Variants in ENTPD6 observed in about 807,000 individuals in gnomAD.
ENTPD6 encodes the protein ectonucleoside triphosphate diphosphohydrolase 6.
ENTPD6 carries 46 observed loss-of-function variants against 61.5 expected under a neutral mutation model. The ratio of observed to expected loss-of-function variants is 0.75; its 90% CI spans 0.59 to 0.96. The LOEUF is 0.96. ENTPD6 is among the 40% of genes least tolerant of loss of function. The pLI, the probability that ENTPD6 is intolerant of heterozygous loss-of-function variation, is 0.00. For synonymous variants in ENTPD6, 252 were observed against 255.5 expected (o/e 0.99, Z 0.13); for missense variants, 612 against 629.0 (o/e 0.97, Z 0.29).
Position 25,206,546 on chromosome 20 carries a change from G to T in ENTPD6, c.10G>T (p.Gly4Cys). 1 of 1,613,718 alleles carries T rather than the reference G, an allele frequency of 6.2e-7. No homozygotes were observed. The highest frequency in any genetic ancestry group is 8.5e-7 in the Non-Finnish European group (1 of 1,179,624). The stretch of plus-strand genomic sequence containing the variant: ...GGAATGGGCTATGTGAATGAAAAAA[G>T]GTATCCGTTATGAAACTTCCAGAAA... MKK[G>C]IRYETSRKTS... is the part of the protein sequence containing the mutation. Residue 4 changes from glycine (G) to cysteine (C), a missense_variant, in exon 2 of 15, where the codon GGT becomes TGT. Transcript: ENST00000376652.
chr20:25,222,754 C>G, intron 11 of ENTPD6, 84 bp from the exon 12 acceptor site: 1 of 1,549,004 alleles, frequency 6.5e-7, no homozygotes, highest in South Asian at 1.2e-5. Flanking sequence ...GTCAGAGTCT[C>G]AAGTCCCCTG....
chr20:25,198,698 G>A (rs1467949144), intron 1 of ENTPD6, among the ~76,000 whole-genome samples: 2 of 152,122 alleles, frequency 1.3e-5, no homozygotes, highest in Non-Finnish European at 2.9e-5. Context: ...TTGTGGTATG[G>A]GAGGTGCTAC....
At position 25,213,385 on chromosome 20, in the gene ENTPD6, G is replaced by A. The variant is rs750259054; in HGVS notation, c.576G>A (p.Lys192=). Residue 192 remains lysine (K), a synonymous_variant, in exon 5 of 15, where the codon AAG becomes AAA. Transcript: ENST00000376652. Reference sequence around the variant, plus strand: ...GCTTACGCCTGTTACCTGGAGAAAAGGCCCAGAAGTTACTGCAGAAGGTGA... The same window carrying A: ...GCTTACGCCTGTTACCTGGAGAAAAAGCCCAGAAGTTACTGCAGAAGGTGA... ...TAGLRLLPGE[K]AQKLLQKVKK... 2.5e-6 allele frequency: 4 copies of A among 1,611,916 alleles called. No individual in the cohort carries two copies. The highest frequency in any genetic ancestry group is 3.4e-6 in the Non-Finnish European group (4 of 1,178,554).
At chr20:25,215,610 G>A (rs867994105) in intron 6 of ENTPD6, 66 bp from the exon 7 acceptor site, 75 of 1,530,226 alleles carry the variant, frequency 4.9e-5, no homozygotes, top group Non-Finnish European at 6.2e-5. Context: ...GTCATTTAAC[G>A]GTCCTGTGTG....
rs915203145 is a variant in ENTPD6, at chr20:25,225,260, C to T, written c.1299C>T (p.Leu433=). ...PQSSPFSCMD[L]TYVSLLLQEF... is the part of the protein sequence containing the mutation. ...GCAGCCCCTTCTCATGCATGGACCTCACCTACGTCAGCCTGCTACTCCAGG... is the reference window on the plus strand; with the variant it reads ...GCAGCCCCTTCTCATGCATGGACCTTACCTACGTCAGCCTGCTACTCCAGG... The change falls in exon 14 of 15, where the codon CTC becomes CTT. Residue 433 remains leucine (L), a synonymous_variant. Transcript: ENST00000376652. 8.1e-6 allele frequency: 13 copies of T among 1,613,512 alleles called. No homozygotes were observed. In the African/African-American group the frequency reaches 1.7e-4, roughly 22 times the overall value.
intron 1 of ENTPD6, among the ~76,000 whole-genome samples, chr20:25,201,565 T>C (rs1033282835): frequency 2.6e-5 from 4 of 152,234 alleles, no homozygotes; most frequent in African/African-American, 9.6e-5. Context: ...TTTTGTCTGA[T>C]ATTGGTACAG....
At position 25,206,548 on chromosome 20, in the gene ENTPD6, T is replaced by G; in HGVS notation, c.12T>G (p.Gly4=). 1 of 1,613,844 alleles carries G rather than the reference T, an allele frequency of 6.2e-7. No individual in the cohort carries two copies. The part of the protein sequence containing the change: MKK[G]IRYETSRKTS... ...AATGGGCTATGTGAATGAAAAAAGG[T>G]ATCCGTTATGAAACTTCCAGAAAAA... The change falls in exon 2 of 15, where the codon GGT becomes GGG. Residue 4 remains glycine (G), a synonymous_variant. Coordinates refer to ENST00000376652, the MANE Select transcript of ENTPD6 (RefSeq NM_001247.5).
At chr20:25,213,164 G>C in intron 4 of ENTPD6, 99 bp from the exon 5 acceptor site, 1 of 1,402,882 alleles carries the variant, frequency 7.1e-7, no homozygotes, top group Non-Finnish European at 1.0e-6. Flanking sequence ...GTGAGACTCT[G>C]TCTCCAGAAA....
At chr20:25,223,591 C>G (rs1600685202) in intron 12 of ENTPD6, among the ~76,000 whole-genome samples, 1 of 152,040 alleles carries the variant, frequency 6.6e-6, no homozygotes, top group Non-Finnish European at 1.5e-5. Flanking sequence ...CTGCAGCCTC[C>G]GGCGGGTCTC....
chr20:25,220,701 A>G (rs1334164437), intron 10 of ENTPD6, among the ~76,000 whole-genome samples: 3 of 152,250 alleles, frequency 2.0e-5, no homozygotes, highest in Non-Finnish European at 4.4e-5. Flanking sequence ...GCCAGAGTCC[A>G]GGGATGGGAC....
intron 4 of ENTPD6, among the ~76,000 whole-genome samples, chr20:25,212,828 C>T (rs1238840425): frequency 6.6e-6 from 1 of 152,196 alleles, no homozygotes; most frequent in Non-Finnish European, 1.5e-5. Flanking sequence ...GCCTCAGCCT[C>T]CCGAGTAGCT....
At chr20:25,196,294 A>T in intron 1 of ENTPD6, 2 of 937,388 alleles carry the variant, frequency 2.1e-6, no homozygotes, top group Non-Finnish European at 2.6e-6. Flanking sequence ...GGGTGTAAGG[A>T]CGATTCACCC....
At chr20:25,219,110 A>G (rs1400780749) in intron 10 of ENTPD6, among the ~76,000 whole-genome samples, 1 of 152,194 alleles carries the variant, frequency 6.6e-6, no homozygotes, top group Non-Finnish European at 1.5e-5. Flanking sequence ...TCGAAATCCT[A>G]CCTTCAAATG....
At chr20:25,208,241 T>C (rs1378334906) in intron 3 of ENTPD6, among the ~76,000 whole-genome samples, 2 of 152,246 alleles carry the variant, frequency 1.3e-5, no homozygotes, top group African/African-American at 2.4e-5. Flanking sequence ...TTTGACTCCA[T>C]CTGCGTTATT....
At chr20:25,208,244 G>T (rs1211185297) in intron 3 of ENTPD6, among the ~76,000 whole-genome samples, 1 of 152,204 alleles carries the variant, frequency 6.6e-6, no homozygotes, top group Non-Finnish European at 1.5e-5. Context: ...GACTCCATCT[G>T]CGTTATTTTT....
chr20:25,199,661 C>A (rs1455955466), intron 1 of ENTPD6, among the ~76,000 whole-genome samples: 1 of 151,948 alleles, frequency 6.6e-6, no homozygotes, highest in Non-Finnish European at 1.5e-5. Context: ...CTGCCCTCAG[C>A]ACCTGCCCTT....
In ENTPD6 at chr20:25,218,540, A is replaced by T. The variant is rs144390836; in HGVS notation, c.879-10A>T. 1 of 1,601,414 alleles carries T rather than the reference A, an allele frequency of 6.2e-7. No homozygotes were observed. Among genetic ancestry groups the T allele is most frequent in the Non-Finnish European group, 8.5e-7 (1 of 1,176,218 alleles). ...TGGCAGCTGCCCTCACTGAGGTGTC[A>T]TTCCCACAGCTACCTCGGGCTCGGG... On this transcript the variant is annotated splice_polypyrimidine_tract_variant and intron_variant, in intron 9 of 14. Transcript: ENST00000376652.
At chr20:25,212,334 C>T (rs753361260) in intron 4 of ENTPD6, among the ~76,000 whole-genome samples, 41 of 152,206 alleles carry the variant, frequency 2.7e-4, no homozygotes, top group Non-Finnish European at 5.3e-4. Flanking sequence ...TAGTGCCACA[C>T]CTTTGCAATG....
chr20:25,206,106 C>T (rs147902623), intron 1 of ENTPD6, among the ~76,000 whole-genome samples: 1 of 152,356 alleles, frequency 6.6e-6, no homozygotes, highest in Non-Finnish European at 1.5e-5. Context: ...TCACGAGGGG[C>T]TCTCCAATGA....
Sources: gnomAD v4.1 joint callset for allele counts (sites outside exome capture counted in the v4.1 genomes callset) on GRCh38, gnomAD v4.1.1 for gene constraint, MANE v1.5 for transcripts, NCBI Gene and HGNC (gene_info 2026-07-23, HGNC 2026-07-21) for gene names.